TMEM74B: variants seen among roughly 807,000 people sequenced by gnomAD.
TMEM74B encodes the protein transmembrane protein C20orf46.
Under a neutral mutation model 6.5 loss-of-function variants are expected in TMEM74B, and 7 were observed. That is an observed-to-expected ratio of 1.07 (90% CI 0.61 to 2.01). The LOEUF is 2.01. Among genes scored for constraint, TMEM74B ranks in the 30% most tolerant of loss-of-function variants. TMEM74B has a pLI of 0.00. For missense variants in TMEM74B, 342 were observed against 337.0 expected (o/e 1.01, Z -0.12); for synonymous variants, 151 against 151.6 (o/e 1.00, Z 0.03).
intron 2 of TMEM74B, among the ~76,000 whole-genome samples, chr20:1,183,157 T>C (rs1385652696): frequency 1.3e-5 from 2 of 152,354 alleles, no homozygotes; most frequent in East Asian, 1.9e-4. Flanking sequence ...GCACAAGCCA[T>C]GGGCTACAGA....
intron 1 of TMEM74B, 33 bp from the exon 2 acceptor site, chr20:1,183,981 G>A (rs1043803464): frequency 1.6e-6 from 1 of 632,966 alleles, no homozygotes; most frequent in African/African-American, 1.9e-5. Flanking sequence ...AAAGAGATGT[G>A]TTTGTTGGTT....
chr20:1,187,989 CT>C (rs1191345603), upstream of TMEM74B, among the ~76,000 whole-genome samples: 1 of 152,142 alleles, frequency 6.6e-6, no homozygotes, highest in African/African-American at 2.4e-5. Flanking sequence ...AAACATATGT[CT>C]GCTATGTTAC....
At chr20:1,188,508 G>T (rs1158881924), upstream of TMEM74B, among the ~76,000 whole-genome samples, 1 of 114,390 alleles carries the variant, frequency 8.7e-6, no homozygotes, top group South Asian at 2.8e-4. Context: ...ACACACACAT[G>T]CCACACACAC....
Position 1,181,738 on chromosome 20 carries a change from G to T in TMEM74B, c.32-151C>A. On this transcript the variant is annotated intron_variant, in intron 2 of 2. Coordinates refer to ENST00000429036, the MANE Select transcript of TMEM74B (RefSeq NM_001304748.2). The surrounding 1 kb of genome is among the most constrained non-coding windows in gnomAD (Gnocchi z 4.9). ...CAGAGGGGAAGACAGGGAATAAGAC[G>T]ATGACAGAACAGTGTGATCCAAGCC... 1.1e-6 allele frequency: 1 copy of T among 900,632 alleles called. No homozygotes were observed. The allele number at this position is 900,632 out of a possible 1,614,324, so 55.8% of individuals were successfully genotyped here.
chr20:1,183,290 CTGTGTGTGTGTGTGTGTGTGTGTGTT>C (rs1386362513), intron 2 of TMEM74B, among the ~76,000 whole-genome samples: 36 of 149,314 alleles, frequency 2.4e-4, no homozygotes, highest in Non-Finnish European at 4.6e-4. Flanking sequence ...GGTTCGTTCT[CTGTGTGTGTGTGTGTGTGTGTGTGTT>C]TGTGTGTGTG....
chr20:1,188,588 A>G (rs1177590157), upstream of TMEM74B, among the ~76,000 whole-genome samples: 2 of 149,180 alleles, frequency 1.3e-5, no homozygotes, highest in Non-Finnish European at 3.0e-5. Flanking sequence ...CACTACACAC[A>G]CACCATACAC....
At chr20:1,183,234 C>T (rs551495625) in intron 2 of TMEM74B, among the ~76,000 whole-genome samples, 4 of 152,196 alleles carry the variant, frequency 2.6e-5, no homozygotes, top group East Asian at 1.9e-4. Context: ...CACACACACA[C>T]GATTCTCTGC....
rs1307662068 is a variant in TMEM74B, at chr20:1,183,916, C to T, written c.-115G>A. On this transcript the variant is annotated 5_prime_UTR_variant, in exon 2 of 3. Transcript: ENST00000429036. ...GAGCAGGCATAAGTTTGAATTCCAT[C>T]TGGGTCCCCAGCCTGCGCCCAGACT... 1.6e-6 allele frequency: 2 copies of T among 1,253,232 alleles called. No individual in the cohort carries two copies. The highest frequency in any genetic ancestry group is 2.3e-6 in the Non-Finnish European group (2 of 883,212). 77.6% of individuals were successfully genotyped at this position (1,253,232 alleles called of 1,614,324 possible).
intron 2 of TMEM74B, among the ~76,000 whole-genome samples, chr20:1,183,316 T>TTGTGTG (rs755754000): frequency 0.018 from 1,745 of 95,598 alleles, 38 homozygotes; most frequent in African/African-American, 0.059. Flanking sequence ...GTGTGTGTGT[T>TTGTGTG]TGTGTGTGTG....
In TMEM74B at chr20:1,181,117, G is replaced by A. The variant is rs761291466; in HGVS notation, c.502C>T (p.Arg168Cys). 9 of 1,614,040 alleles carry A rather than the reference G, an allele frequency of 5.6e-6. No individual in the cohort carries two copies. The highest frequency in any genetic ancestry group is 6.8e-6 in the Non-Finnish European group (8 of 1,180,010). The change falls in exon 3 of 3, where the codon CGC becomes TGC. Residue 168 changes from arginine to cysteine, a missense_variant. Coordinates refer to ENST00000429036, the MANE Select transcript of TMEM74B (RefSeq NM_001304748.2). This position sits in a 1 kb window ranked among gnomAD's most constrained non-coding sequence, Gnocchi z 4.9. ...EMERLEMYYA[R>C]LGSHLDRCII... is the part of the protein sequence containing the mutation. ...CACCTGTCCAGGTGGGAGCCTAGGC[G>A]GGCGTAGTACATCTCCAGTCGTTCC...
At position 1,180,746 on chromosome 20, in the gene TMEM74B, C is replaced by G; in HGVS notation, c.*102G>C. 1.4e-6 allele frequency: 2 copies of G among 1,474,130 alleles called. No individual in the cohort carries two copies. Among genetic ancestry groups the G allele is most frequent in the Non-Finnish European group, 1.8e-6 (2 of 1,106,170 alleles). The allele number at this position is 1,474,130 out of a possible 1,614,324, so 91.3% of individuals were successfully genotyped here. ...TCTTCCACAAGGCCCTATGTGAGCTCAGTTTAAAACCCCAGGGCCTTGGCA... is the reference window on the plus strand; with the variant it reads ...TCTTCCACAAGGCCCTATGTGAGCTGAGTTTAAAACCCCAGGGCCTTGGCA... On this transcript the variant is annotated 3_prime_UTR_variant, in exon 3 of 3. Coordinates refer to ENST00000429036, the MANE Select transcript of TMEM74B (RefSeq NM_001304748.2). The surrounding 1 kb of genome is among the most constrained non-coding windows in gnomAD (Gnocchi z 6.1).
chr20:1,181,138 G>C lies in TMEM74B; in HGVS notation c.481C>G (p.Arg161Gly). 6.2e-7 allele frequency: 1 copy of C among 1,614,082 alleles called. No homozygotes were observed. The highest frequency in any genetic ancestry group is 8.5e-7 in the Non-Finnish European group (1 of 1,180,020). The change falls in exon 3 of 3, where the codon CGA becomes GGA. Residue 161 changes from arginine (R) to glycine (G), a missense_variant. Physicochemically the swap from Arg to Gly is moderately radical, Grantham distance 125. Transcript: ENST00000429036. The surrounding 1 kb of genome is among the most constrained non-coding windows in gnomAD (Gnocchi z 4.9). ...AGGCGGGCGTAGTACATCTCCAGTC[G>C]TTCCATCTCCCGCGCTGTCACTGTG... ...PDTVTAREME[R>G]LEMYYARLGS...
At chr20:1,183,341 T>C (rs572296426) in intron 2 of TMEM74B, among the ~76,000 whole-genome samples, 8 of 152,146 alleles carry the variant, frequency 5.3e-5, no homozygotes, top group Non-Finnish European at 1.0e-4. Context: ...TGTGTAAATA[T>C]GAGCAAATGA....
At chr20:1,187,143 C>T (rs2122699981), upstream of TMEM74B, among the ~76,000 whole-genome samples, 1 of 152,292 alleles carries the variant, frequency 6.6e-6, no homozygotes, top group East Asian at 1.9e-4. Context: ...AGTCTTTGCT[C>T]AAATGCCACC....
At chr20:1,183,286 TTC>T (rs769696559) in intron 2 of TMEM74B, among the ~76,000 whole-genome samples, 2 of 140,138 alleles carry the variant, frequency 1.4e-5, no homozygotes, top group African/African-American at 2.7e-5. Context: ...CTGTGGTTCG[TTC>T]TCTGTGTGTG....
At chr20:1,185,442 C>CGG (rs888570277), upstream of TMEM74B, 21 of 118,802 alleles carry the variant, frequency 1.8e-4, no homozygotes, top group African/African-American at 6.3e-4. Context: ...GCTGGGGAGG[C>CGG]GGGGGGGGGA....
chr20:1,181,350 C>T lies in TMEM74B; in HGVS notation c.269G>A (p.Gly90Asp). 1 of 1,569,164 alleles carries T rather than the reference C, an allele frequency of 6.4e-7. No homozygotes were observed. The highest frequency in any genetic ancestry group is 1.8e-5 in the Admixed American group (1 of 55,950). Residue 90 changes from glycine (G) to aspartate (D), a missense_variant, in exon 3 of 3, where the codon GGT becomes GAT. Gly to Asp is a moderately conservative substitution (Grantham distance 94, BLOSUM62 -1). Transcript: ENST00000429036. The surrounding 1 kb of genome is among the most constrained non-coding windows in gnomAD (Gnocchi z 4.9). ...RLGSSPSPPG[G>D]VSSLPRSQRD... ...CTGGGATCGGGGCAGTGAGGAGACA[C>T]CCCCAGGGGGACTGGGTGAGCTGCC...
chr20:1,182,315 T>C (rs1274847183), intron 2 of TMEM74B, among the ~76,000 whole-genome samples: 1 of 151,804 alleles, frequency 6.6e-6, no homozygotes, highest in Non-Finnish European at 1.5e-5. Context: ...TGGAAGGTGA[T>C]GAGGGCATTC....
At chr20:1,183,655 A>C in intron 2 of TMEM74B, 116 bp downstream of exon 2, 75 of 1,252,610 alleles carry the variant, frequency 6.0e-5, no homozygotes, top group Non-Finnish European at 8.0e-5. Context: ...CAGCCCCACG[A>C]TCCGGAATTA....
Sources: allele counts gnomAD v4.1 joint callset (sites outside exome capture counted in the v4.1 genomes callset), GRCh38; gene constraint gnomAD v4.1.1; non-coding constraint Gnocchi (gnomAD v3.1); transcripts MANE v1.5; gene names NCBI Gene and HGNC (gene_info 2026-07-23, HGNC 2026-07-21).